Variants in PXK observed in about 807,000 individuals in gnomAD.
PXK encodes the protein PX domain containing serine/threonine kinase like.
PXK carries 35 observed loss-of-function variants against 84.7 expected under a neutral mutation model. The observed-to-expected ratio is 0.41, with a 90% confidence interval of 0.32 to 0.55. The LOEUF (loss-of-function observed/expected upper bound fraction) is 0.55, where lower values mean the gene tolerates loss of function less well. Among genes scored for constraint, PXK ranks in the 20% least tolerant of loss-of-function variants. PXK has a pLI of 0.21. For missense variants in PXK, 634 were observed against 699.7 expected, an observed-to-expected ratio of 0.91 and a Z score of 1.06; for synonymous variants, 253 against 260.8, an observed-to-expected ratio of 0.97 and a Z score of 0.29.
rs971225888 is a variant in PXK at position 58,397,008 on chromosome 3, G to C, written c.823-31G>C. The C allele has an allele frequency of 2.1e-5, 34 of 1,585,472 alleles. No homozygotes were observed. The highest frequency in any genetic ancestry group is 2.7e-5 in the African/African-American group (2 of 74,128). The stretch of plus-strand genomic sequence containing the variant: ...TGTCTTATATCTGAATGAGTTTGGG[G>C]AAAATGTAACTTTCCCATATGTTTT... On this transcript the variant is annotated intron_variant, in intron 9 of 17. Coordinates refer to ENST00000356151, the MANE Select transcript of PXK (RefSeq NM_017771.5). This position sits in a 1 kb window ranked among gnomAD's most constrained non-coding sequence, Gnocchi z 4.7.
In PXK at chr3:58,383,310, ATAAT is replaced by A. The variant is rs772836834; in HGVS notation, c.388+615_388+618del. 5.9e-5 allele frequency among the ~76,000 whole-genome samples: 9 copies of A among 152,156 alleles called. No individual in the cohort carries two copies. The highest frequency in any genetic ancestry group is 2.6e-4 in the Admixed American group (4 of 15,268). On this transcript the variant is annotated intron_variant, in intron 4 of 17. Coordinates refer to ENST00000356151, the MANE Select transcript of PXK (RefSeq NM_017771.5). The surrounding 1 kb of genome is among the most constrained non-coding windows in gnomAD (Gnocchi z 4.0). ...CTGTCTTAAAAAGATAATAATAATA[ATAAT>A]TAATCCACAATAACGCATACAGTAA... is the stretch of plus-strand genomic sequence containing the variant.
chr3:58,372,012 G>T (rs770549804), intron 3 of PXK, among the ~76,000 whole-genome samples: 4 of 152,128 alleles, frequency 2.6e-5, no homozygotes, highest in Non-Finnish European at 5.9e-5. Flanking sequence ...ATGAGTTCCT[G>T]CTGAAGAAAG....
chr3:58,367,184 C>T (rs948498991), intron 2 of PXK, among the ~76,000 whole-genome samples: 4 of 151,992 alleles, frequency 2.6e-5, no homozygotes, highest in Non-Finnish European at 5.9e-5. Flanking sequence ...ATGGTTGTGG[C>T]CAACACTCCT....
intron 3 of PXK, among the ~76,000 whole-genome samples, chr3:58,371,446 G>A (rs977590828): frequency 1.3e-5 from 2 of 152,230 alleles, no homozygotes; most frequent in Non-Finnish European, 2.9e-5. Flanking sequence ...AATTAACAGT[G>A]GGCCTACTAA....
chr3:58,397,774 A>T lies in PXK; in HGVS notation c.1102+52A>T, dbSNP rs768638901. 5.0e-6 allele frequency: 7 copies of T among 1,410,444 alleles called. No homozygotes were observed. In the South Asian group the frequency reaches 6.9e-5, roughly 14 times the overall value. The allele number at this position is 1,410,444 out of a possible 1,614,324, so 87.4% of individuals were successfully genotyped here. ...CTGGGCCCTAGTAGTGTGCAGAGCC[A>T]CTCATCCCCTTTCCAGAGTCCAGGA... On this transcript the variant is annotated intron_variant, in intron 11 of 17. Coordinates refer to ENST00000356151, the MANE Select transcript of PXK (RefSeq NM_017771.5). The surrounding 1 kb of genome is among the most constrained non-coding windows in gnomAD (Gnocchi z 4.7).
chr3:58,385,184 G>C lies in PXK; in HGVS notation c.388+2484G>C, dbSNP rs2098541082. On this transcript the variant is annotated intron_variant, in intron 4 of 17. Transcript: ENST00000356151. This position sits in a 1 kb window ranked among gnomAD's most constrained non-coding sequence, Gnocchi z 5.1. ...GAGTCAGGAGTCCAAAGCAGATGTG[G>C]GCAGGGGTATAAAAAGACCACCAGA... Among the ~76,000 whole-genome samples the C allele has an allele frequency of 6.6e-6, 1 of 152,148 alleles. No individual in the cohort carries two copies. The highest frequency in any genetic ancestry group is 2.4e-5 in the African/African-American group (1 of 41,438).
At chr3:58,359,296 G>A (rs1575965569) in intron 1 of PXK, among the ~76,000 whole-genome samples, 1 of 151,872 alleles carries the variant, frequency 6.6e-6, no homozygotes, top group Admixed American at 6.6e-5. Context: ...CTTTGGGAGG[G>A]CGAGGTGGGC....
chr3:58,393,601 T>C (rs930813370), intron 7 of PXK, among the ~76,000 whole-genome samples: 2 of 152,204 alleles, frequency 1.3e-5, no homozygotes, highest in African/African-American at 4.8e-5. Flanking sequence ...CTCAATCTTC[T>C]ATTGACATTT....
At chr3:58,423,018 G>GA (rs1422539316) in intron 17 of PXK, 3 of 985,242 alleles carry the variant, frequency 3.0e-6, no homozygotes, top group Non-Finnish European at 3.6e-6. Flanking sequence ...GGGTGCTGGG[G>GA]AAGGGCACTG....
intron 1 of PXK, among the ~76,000 whole-genome samples, chr3:58,335,761 G>C (rs1336538370): frequency 6.6e-6 from 1 of 152,034 alleles, no homozygotes; most frequent in African/African-American, 2.4e-5. Context: ...TGTGATATAG[G>C]CTGGGCAAGT....
chr3:58,420,724 T>C (rs1330163938), intron 17 of PXK: 1 of 1,446,976 alleles, frequency 6.9e-7, no homozygotes, highest in Non-Finnish European at 9.1e-7. Flanking sequence ...AAATACAGCA[T>C]CTTTAAAAAG....
Position 58,399,304 on chromosome 3 carries a change from G to A in PXK, c.1108G>A (p.Val370Met), listed in dbSNP as rs763554030. The change falls in exon 12 of 18, where the codon GTG becomes ATG. Residue 370 changes from valine (V) to methionine (M), a missense_variant. Physicochemically the swap from Val to Met is conservative, Grantham distance 21. Around this residue, in one of 3 missense-constraint regions of PXK, gnomAD observed 273 missense variants for 283.6 expected, o/e 0.96. Coordinates refer to ENST00000356151, the MANE Select transcript of PXK (RefSeq NM_017771.5). The surrounding 1 kb of genome is among the most constrained non-coding windows in gnomAD (Gnocchi z 4.3). Reference protein sequence around the residue: ...PPAPSMAVVAVLESTLSCEAC... With the variant: ...PPAPSMAVVAMLESTLSCEAC... ...GTGTATCTGTTCATTTCAAGTGGCC[G>A]TGTTGGAGTCTACGCTGTCTTGTGA... is the stretch of plus-strand genomic sequence containing the variant. 1.9e-5 allele frequency: 30 copies of A among 1,613,848 alleles called. No homozygotes were observed. Among genetic ancestry groups the A allele is most frequent in the Admixed American group, 5.0e-5 (3 of 59,996 alleles).
At chr3:58,382,745 C>T in intron 4 of PXK, 45 bp downstream of exon 4, 2 of 1,364,660 alleles carry the variant, frequency 1.5e-6, no homozygotes, top group Non-Finnish European at 2.0e-6. Context: ...GCTAAAGAGG[C>T]ACTGTCCCTT....
chr3:58,336,071 A>ATATTTT (rs1284780630), intron 1 of PXK, among the ~76,000 whole-genome samples: 4 of 51,584 alleles, frequency 7.8e-5, no homozygotes, highest in African/African-American at 1.0e-4. Context: ...ATATATATAT[A>ATATTTT]TTTTTTTTTT....
Position 58,370,748 on chromosome 3 carries a change from C to T in PXK, c.201+1270C>T, listed in dbSNP as rs2098356193. The stretch of plus-strand genomic sequence containing the variant: ...ACGTCGTGGCTCACTCCCGTAATCC[C>T]AGCACTTTGGGAGGCTGAGGCGGGT... On this transcript the variant is annotated intron_variant, in intron 3 of 17. Coordinates refer to ENST00000356151, the MANE Select transcript of PXK (RefSeq NM_017771.5). This position sits in a 1 kb window ranked among gnomAD's most constrained non-coding sequence, Gnocchi z 4.2. 6.6e-6 allele frequency among the ~76,000 whole-genome samples: 1 copy of T among 152,292 alleles called. No individual in the cohort carries two copies. Among genetic ancestry groups the T allele is most frequent in the Non-Finnish European group, 1.5e-5 (1 of 68,016 alleles).
intron 4 of PXK, among the ~76,000 whole-genome samples, chr3:58,389,551 A>C (rs1162407825): frequency 6.6e-6 from 1 of 152,118 alleles, no homozygotes; most frequent in Non-Finnish European, 1.5e-5. Flanking sequence ...GGCTGCGTGC[A>C]GTGGTTCGTG....
intron 17 of PXK, chr3:58,422,355 T>C (rs2062024796): frequency 1.0e-6 from 1 of 985,242 alleles, no homozygotes; most frequent in African/African-American, 1.7e-5. Context: ...ATGGTTGTTG[T>C]AGGCCCAGTG....
At chr3:58,346,422 T>C (rs2097821287) in intron 1 of PXK, among the ~76,000 whole-genome samples, 1 of 152,028 alleles carries the variant, frequency 6.6e-6, no homozygotes. Flanking sequence ...AGAGGAAAAG[T>C]CTGCCAAGTA....
chr3:58,423,364 A>G, intron 17 of PXK: 1 of 1,479,794 alleles, frequency 6.8e-7, no homozygotes, highest in Non-Finnish European at 9.1e-7. Flanking sequence ...CATGTTGGTC[A>G]TTTGTCTGTA....
Sources: gnomAD v4.1 joint callset for allele counts (sites outside exome capture counted in the v4.1 genomes callset) on GRCh38, gnomAD v4.1.1 for gene constraint, gnomAD v4.1.1 regional missense constraint, Gnocchi (gnomAD v3.1) non-coding constraint, MANE v1.5 for transcripts, NCBI Gene and HGNC (gene_info 2026-07-23, HGNC 2026-07-21) for gene names.